Variants in LGR6 observed in about 807,000 individuals in gnomAD.
LGR6 encodes leucine rich repeat containing G protein-coupled receptor 6, also known as leucine-rich repeat-containing G protein-coupled receptor 6.
In LGR6, 45 loss-of-function variants were observed where a neutral mutation model predicts 69.4. The observed-to-expected ratio is 0.65, with a 90% CI of 0.51 to 0.83. The LOEUF (loss-of-function observed/expected upper bound fraction) is 0.83, where lower values mean the gene tolerates loss of function less well. LGR6 is among the 40% of genes least tolerant of loss of function. The probability of loss-of-function intolerance (pLI) is 0.00; values close to 1 mark genes in which losing one functional copy is unlikely to be tolerated. For synonymous variants in LGR6, 538 were observed against 555.0 expected, an observed-to-expected ratio of 0.97 and a Z score of 0.43; for missense variants, 1,108 against 1,246.7, an observed-to-expected ratio of 0.89 and a Z score of 1.68.
At chr1:202,295,779 A>G (rs1162736733) in intron 6 of LGR6, among the ~76,000 whole-genome samples, 1 of 152,216 alleles carries the variant, frequency 6.6e-6, no homozygotes, top group Non-Finnish European at 1.5e-5. Context: ...CTGACTCACT[A>G]GAGAACGGAG....
At chr1:202,256,084 C>T (rs1663748973) in intron 4 of LGR6, among the ~76,000 whole-genome samples, 1 of 152,272 alleles carries the variant, frequency 6.6e-6, no homozygotes, top group South Asian at 2.1e-4. Context: ...AATCTGCTTT[C>T]TGTCTCTTTG....
In LGR6 at chr1:202,300,838, T is replaced by C. The variant is rs1462580306; in HGVS notation, c.786-11T>C. ...TCCAAATCCTCACTGGTTCCTGGTG[T>C]TGTCTTCCAGGGGGTTCCATAACAA... On this transcript the variant is annotated splice_polypyrimidine_tract_variant and intron_variant, in intron 7 of 17. Transcript: ENST00000367278. 1 of 1,600,958 alleles carries C rather than the reference T, an allele frequency of 6.2e-7. No homozygotes were observed. The highest frequency in any genetic ancestry group is 1.7e-5 in the Admixed American group (1 of 57,956).
At chr1:202,231,378 T>C (rs1197939215) in intron 3 of LGR6, among the ~76,000 whole-genome samples, 1 of 152,216 alleles carries the variant, frequency 6.6e-6, no homozygotes, top group Non-Finnish European at 1.5e-5. Context: ...CTCACCAACC[T>C]GGCTCGGGGG....
chr1:202,244,713 A>T (rs1662500533), intron 4 of LGR6, among the ~76,000 whole-genome samples: 1 of 152,176 alleles, frequency 6.6e-6, no homozygotes, highest in South Asian at 2.1e-4. Flanking sequence ...CCTTTTCTAA[A>T]TAATGTCCCA....
At chr1:202,229,955 C>G (rs1660880877) in intron 3 of LGR6, among the ~76,000 whole-genome samples, 1 of 152,164 alleles carries the variant, frequency 6.6e-6, no homozygotes, top group Admixed American at 6.5e-5. Flanking sequence ...GTCAATTTCC[C>G]TCGTATTTCC....
At chr1:202,274,644 G>A (rs1265053524) in intron 4 of LGR6, among the ~76,000 whole-genome samples, 1 of 152,162 alleles carries the variant, frequency 6.6e-6, no homozygotes, top group African/African-American at 2.4e-5. Flanking sequence ...CTGGGGTGGG[G>A]CCTAAGATTC....
intron 1 of LGR6, among the ~76,000 whole-genome samples, chr1:202,202,441 G>C (rs1247628688): frequency 6.6e-6 from 1 of 152,130 alleles, no homozygotes; most frequent in Non-Finnish European, 1.5e-5. Flanking sequence ...ACCCCATCTG[G>C]GCACACACCT....
At chr1:202,247,985 G>A (rs1662876704) in intron 4 of LGR6, among the ~76,000 whole-genome samples, 1 of 152,186 alleles carries the variant, frequency 6.6e-6, no homozygotes, top group Non-Finnish European at 1.5e-5. Context: ...GTCGGGGGCT[G>A]GGAAAGTGTG....
At chr1:202,286,813 G>A (rs1666425104) in intron 6 of LGR6, among the ~76,000 whole-genome samples, 1 of 152,116 alleles carries the variant, frequency 6.6e-6, no homozygotes, top group South Asian at 2.1e-4. Context: ...CAATGAGTTT[G>A]TGTTGCGTTC....
intron 1 of LGR6, among the ~76,000 whole-genome samples, chr1:202,207,468 G>A (rs1271351895): frequency 6.6e-6 from 1 of 152,190 alleles, no homozygotes; most frequent in African/African-American, 2.4e-5. Context: ...GGGCACAGGG[G>A]GCACACCAGA....
intron 15 of LGR6, among the ~76,000 whole-genome samples, chr1:202,309,900 T>C (rs545920576): frequency 6.6e-6 from 1 of 152,350 alleles, no homozygotes; most frequent in East Asian, 1.9e-4. Flanking sequence ...CTGCCCGCTC[T>C]GAGCCAGCAG....
intron 9 of LGR6, among the ~76,000 whole-genome samples, chr1:202,302,827 G>A (rs1259978030): frequency 6.6e-6 from 1 of 152,166 alleles, no homozygotes; most frequent in Non-Finnish European, 1.5e-5. Flanking sequence ...GATTACAGGT[G>A]TGAGCCACCA....
chr1:202,263,997 A>C (rs1180880198), intron 4 of LGR6, among the ~76,000 whole-genome samples: 2 of 152,072 alleles, frequency 1.3e-5, no homozygotes, highest in Admixed American at 1.3e-4. Flanking sequence ...CGTGGGGATG[A>C]TTGTGTAGTC....
chr1:202,205,160 C>T (rs1234795209), intron 1 of LGR6, among the ~76,000 whole-genome samples: 3 of 1,914 alleles, frequency 1.6e-3, no homozygotes, highest in East Asian at 0.091. Flanking sequence ...CCACACACAC[C>T]TAACACACAC....
chr1:202,264,982 G>T (rs1053004518), intron 4 of LGR6, among the ~76,000 whole-genome samples: 7 of 152,108 alleles, frequency 4.6e-5, no homozygotes, highest in African/African-American at 1.7e-4. Context: ...TCCCACCTTT[G>T]ATCTATTGAG....
At chr1:202,210,958 T>C (rs1259548084) in intron 1 of LGR6, among the ~76,000 whole-genome samples, 1 of 152,128 alleles carries the variant, frequency 6.6e-6, no homozygotes, top group Non-Finnish European at 1.5e-5. Flanking sequence ...AAAATTACCA[T>C]TGTGTGCGTT....
chr1:202,202,801 T>C (rs571936354), intron 1 of LGR6, among the ~76,000 whole-genome samples: 56 of 152,342 alleles, frequency 3.7e-4, no homozygotes, highest in African/African-American at 1.3e-3. Context: ...GGGTCGGTCC[T>C]AGGACACAAT....
chr1:202,260,379 G>C (rs1179453496), intron 4 of LGR6, among the ~76,000 whole-genome samples: 1 of 151,244 alleles, frequency 6.6e-6, no homozygotes, highest in African/African-American at 2.4e-5. Flanking sequence ...TGTCGCCCAG[G>C]CTGTAGTGCA....
At chr1:202,264,790 C>T (rs1571922052) in intron 4 of LGR6, among the ~76,000 whole-genome samples, 1 of 152,128 alleles carries the variant, frequency 6.6e-6, no homozygotes, top group Admixed American at 6.5e-5. Context: ...CAAGGAATAG[C>T]TTGGAGGAAT....
Sources: gnomAD v4.1 joint callset for allele counts (sites outside exome capture counted in the v4.1 genomes callset) on GRCh38, gnomAD v4.1.1 for gene constraint, MANE v1.5 for transcripts, NCBI Gene and HGNC (gene_info 2026-07-23, HGNC 2026-07-21) for gene names.